ZNF652: variants seen among roughly 807,000 people sequenced by gnomAD.
ZNF652 encodes zinc finger protein 652.
Under a neutral mutation model 45.2 loss-of-function variants are expected in ZNF652, and 16 were observed. That is an observed-to-expected ratio of 0.35 (90% CI 0.24 to 0.54). The LOEUF (loss-of-function observed/expected upper bound fraction) is 0.54, where lower values mean the gene tolerates loss of function less well. ZNF652 is among the 20% of genes least tolerant of loss of function. The pLI is 0.91. For missense variants in ZNF652, 614 were observed against 765.6 expected, an observed-to-expected ratio of 0.80 and a Z score of 2.34; for synonymous variants, 250 against 260.6, an observed-to-expected ratio of 0.96 and a Z score of 0.39.
At position 49,295,954 on chromosome 17, in the gene ZNF652, A is replaced by AAAAAC. The variant is rs2069469878; in HGVS notation, c.*2458_*2459insGTTTT. 4.9e-5 allele frequency: 7 copies of AAAAAC among 143,924 alleles called. No individual in the cohort carries two copies. The highest frequency in any genetic ancestry group is 3.4e-4 in the Admixed American group (5 of 14,514). The allele number at this position is 143,924 out of a possible 1,614,324, so 8.9% of individuals were successfully genotyped here. On this transcript the variant is annotated 3_prime_UTR_variant, in exon 6 of 6. Transcript: ENST00000430262. ...CTCTGCCTCAAAAAAAAAAAAAAAA[A>AAAAAC]AAAAAAAAAAACAGAACAAAATATA...
chr17:49,333,075 TG>T (rs2070041430), intron 1 of ZNF652, among the ~76,000 whole-genome samples: 1 of 151,594 alleles, frequency 6.6e-6, no homozygotes, highest in Non-Finnish European at 1.5e-5. Flanking sequence ...TTTTTTTTTT[TG>T]AGACAGAGTC....
At chr17:49,327,764 TA>T (rs1567690494) in intron 1 of ZNF652, among the ~76,000 whole-genome samples, 13 of 5,450 alleles carry the variant, frequency 2.4e-3, no homozygotes, top group Non-Finnish European at 4.0e-3. Flanking sequence ...TATATATATA[TA>T]TATATATATA....
At chr17:49,329,631 C>T (rs2070001898) in intron 1 of ZNF652, among the ~76,000 whole-genome samples, 1 of 152,176 alleles carries the variant, frequency 6.6e-6, no homozygotes, top group South Asian at 2.1e-4. Flanking sequence ...CCATCTAATC[C>T]ACTCTCTGTA....
At chr17:49,356,459 CA>C (rs59499602) in intron 1 of ZNF652, among the ~76,000 whole-genome samples, 18 of 123,118 alleles carry the variant, frequency 1.5e-4, no homozygotes, top group East Asian at 4.7e-4. Flanking sequence ...AAATCAAAAC[CA>C]AAAAAAAAAC....
intron 1 of ZNF652, among the ~76,000 whole-genome samples, chr17:49,324,156 T>C (rs539751567): frequency 2.0e-5 from 3 of 152,340 alleles, no homozygotes; most frequent in East Asian, 1.9e-4. Flanking sequence ...CACTTGCTGC[T>C]TCACCGTGCA....
chr17:49,293,441 T>C lies in ZNF652; in HGVS notation c.*4972A>G, dbSNP rs1033368913. On this transcript the variant is annotated 3_prime_UTR_variant, in exon 6 of 6. Coordinates refer to ENST00000430262, the MANE Select transcript of ZNF652 (RefSeq NM_001145365.3). ...AAAAAGTCTAGAAAGTATAAAAGTA[T>C]AGAACTATGAAAGTGGATATATTGA... Among the ~76,000 whole-genome samples the C allele has an allele frequency of 6.6e-5, 10 of 152,204 alleles. No homozygotes were observed. The highest frequency in any genetic ancestry group is 2.4e-4 in the African/African-American group (10 of 41,562).
chr17:49,324,602 C>A (rs781722547), intron 1 of ZNF652, among the ~76,000 whole-genome samples: 1 of 152,010 alleles, frequency 6.6e-6, no homozygotes, highest in Non-Finnish European at 1.5e-5. Flanking sequence ...GTTGGCCAGG[C>A]TGGTCTCGAA....
At position 49,352,894 on chromosome 17, in the gene ZNF652, A is replaced by G. The variant is rs573902253; in HGVS notation, c.-259+9015T>C. ...AGCCAGTCTCTAAAGGTTACATACTATATGAGTCCATGTCACATTCTGCAA... is the reference window on the plus strand; with the variant it reads ...AGCCAGTCTCTAAAGGTTACATACTGTATGAGTCCATGTCACATTCTGCAA... On this transcript the variant is annotated intron_variant, in intron 1 of 5. Transcript: ENST00000430262. 2.2e-3 allele frequency among the ~76,000 whole-genome samples: 339 copies of G among 152,352 alleles called. 1 individual carries two copies. Among genetic ancestry groups the G allele is most frequent in the African/African-American group, 7.6e-3 (317 of 41,586 alleles).
intron 1 of ZNF652, among the ~76,000 whole-genome samples, chr17:49,355,155 T>C (rs1248267386): frequency 6.6e-6 from 1 of 152,238 alleles, no homozygotes; most frequent in African/African-American, 2.4e-5. Flanking sequence ...TTATTCATGT[T>C]GCTATTTTGT....
At chr17:49,324,440 G>C (rs531740848) in intron 1 of ZNF652, among the ~76,000 whole-genome samples, 19 of 152,154 alleles carry the variant, frequency 1.2e-4, no homozygotes, top group African/African-American at 4.6e-4. Context: ...ACCCAGGCTG[G>C]AGTGCAGTGG....
At chr17:49,347,333 G>A (rs776033585) in intron 1 of ZNF652, among the ~76,000 whole-genome samples, 9 of 152,190 alleles carry the variant, frequency 5.9e-5, no homozygotes, top group Non-Finnish European at 8.8e-5. Context: ...GGAAGGCCAC[G>A]ATGTGTGGAT....
chr17:49,345,203 CTTTTTTT>C (rs796601844), intron 1 of ZNF652, among the ~76,000 whole-genome samples: 15 of 130,910 alleles, frequency 1.1e-4, no homozygotes, highest in Non-Finnish European at 2.2e-4. Flanking sequence ...CTAGATTTTT[CTTTTTTT>C]TTTTTTTTTT....
chr17:49,362,091 C>T lies in ZNF652; in HGVS notation c.-441G>A, dbSNP rs1281944091. 7 of 149,806 alleles carry T rather than the reference C, an allele frequency of 4.7e-5. No individual in the cohort carries two copies. The highest frequency in any genetic ancestry group is 4.6e-4 in the Admixed American group (7 of 15,060). The allele number at this position is 149,806 out of a possible 1,614,324, so 9.3% of individuals were successfully genotyped here. A position where few individuals can be genotyped will look rare whatever the true frequency, so the allele number is the denominator to read the frequency against. On this transcript the variant is annotated 5_prime_UTR_variant, in exon 1 of 6. Coordinates refer to ENST00000430262, the MANE Select transcript of ZNF652 (RefSeq NM_001145365.3). ...CCGGCCTCGGCCGCTGCCGCTGCCG[C>T]CGCAGCGCTACGTGGCCGCCGCTCC... is the stretch of plus-strand genomic sequence containing the variant.
At chr17:49,337,541 C>A (rs1182772810) in intron 1 of ZNF652, among the ~76,000 whole-genome samples, 1 of 151,986 alleles carries the variant, frequency 6.6e-6, no homozygotes, top group East Asian at 1.9e-4. Flanking sequence ...TGAGTTGTTA[C>A]CCTAAATACA....
At chr17:49,333,401 C>T (rs1232954806) in intron 1 of ZNF652, among the ~76,000 whole-genome samples, 1 of 149,344 alleles carries the variant, frequency 6.7e-6, no homozygotes, top group African/African-American at 2.5e-5. Context: ...AATATGAAGA[C>T]ATTTCTCTAA....
Position 49,291,939 on chromosome 17 carries a change from C to T in ZNF652, c.*6474G>A, listed in dbSNP as rs1443737259. Among the ~76,000 whole-genome samples, 1 of 152,168 alleles carries T rather than the reference C, an allele frequency of 6.6e-6. No individual in the cohort carries two copies. The highest frequency in any genetic ancestry group is 1.5e-5 in the Non-Finnish European group (1 of 68,026). ...CAAAAATCTTGAATTTATTCATCAT[C>T]AAACATAACCAATTCTCACAATTTT... On this transcript the variant is annotated 3_prime_UTR_variant, in exon 6 of 6. Coordinates refer to ENST00000430262, the MANE Select transcript of ZNF652 (RefSeq NM_001145365.3).
intron 1 of ZNF652, among the ~76,000 whole-genome samples, chr17:49,354,891 A>G (rs112845572): frequency 1.4e-3 from 213 of 152,050 alleles, no homozygotes; most frequent in African/African-American, 4.9e-3. Flanking sequence ...ACACCCGGCT[A>G]ATTTTTGTAA....
chr17:49,360,157 C>T (rs147920272), intron 1 of ZNF652, among the ~76,000 whole-genome samples: 2 of 152,264 alleles, frequency 1.3e-5, no homozygotes, highest in African/African-American at 4.8e-5. Flanking sequence ...TTTACAAATA[C>T]CTAACTTATC....
chr17:49,340,338 T>C (rs1598309648), intron 1 of ZNF652, among the ~76,000 whole-genome samples: 2 of 151,892 alleles, frequency 1.3e-5, no homozygotes, highest in East Asian at 1.9e-4. Context: ...GGTGGATCAC[T>C]GGAGGTCAGG....
Sources: allele counts gnomAD v4.1 joint callset (sites outside exome capture counted in the v4.1 genomes callset), GRCh38; gene constraint gnomAD v4.1.1; transcripts MANE v1.5; gene names NCBI Gene and HGNC (gene_info 2026-07-23, HGNC 2026-07-21).